PPP1R9B: variants seen among roughly 807,000 people sequenced by gnomAD.
PPP1R9B encodes the protein protein phosphatase 1 regulatory subunit 9B.
In PPP1R9B, 17 loss-of-function variants were observed where a neutral mutation model predicts 75.8. The ratio of observed to expected loss-of-function variants is 0.22; its 90% CI spans 0.15 to 0.34. The LOEUF is 0.34. PPP1R9B is among the 10% of genes least tolerant of loss of function. The pLI, the probability that PPP1R9B is intolerant of heterozygous loss-of-function variation, is 1.00. For synonymous variants in PPP1R9B, 509 were observed against 535.4 expected, an observed-to-expected ratio of 0.95 and a Z score of 0.68; for missense variants, 875 against 1,196.0, an observed-to-expected ratio of 0.73 and a Z score of 3.96.
chr17:50,147,972 C>T (rs1334269206), intron 1 of PPP1R9B, among the ~76,000 whole-genome samples: 1 of 152,166 alleles, frequency 6.6e-6, no homozygotes. Context: ...AGGGTAAAGG[C>T]AGGGCAGGGT....
chr17:50,136,635 C>T (rs1350492734), intron 7 of PPP1R9B, among the ~76,000 whole-genome samples: 1 of 152,164 alleles, frequency 6.6e-6, no homozygotes, highest in Non-Finnish European at 1.5e-5. Context: ...AGCCCCAGCC[C>T]TGCTCGCCAG....
At position 50,142,823 on chromosome 17, in the gene PPP1R9B, A is replaced by G. The variant is rs1241078416; in HGVS notation, c.1625+775T>C. On this transcript the variant is annotated intron_variant, in intron 3 of 9. Coordinates refer to ENST00000612501, the MANE Select transcript of PPP1R9B (RefSeq NM_032595.5). This position sits in a 1 kb window ranked among gnomAD's most constrained non-coding sequence, Gnocchi z 4.1. ...CACCCCTTGCAACCACAGATGCTCA[A>G]TACAGGCACACACACTCACATGCGC... 6.6e-6 allele frequency among the ~76,000 whole-genome samples: 1 copy of G among 152,146 alleles called. No homozygotes were observed. The highest frequency in any genetic ancestry group is 1.5e-5 in the Non-Finnish European group (1 of 68,034).
intron 2 of PPP1R9B, among the ~76,000 whole-genome samples, chr17:50,144,761 T>C (rs185564069): frequency 6.6e-6 from 1 of 152,292 alleles, no homozygotes; most frequent in Admixed American, 6.5e-5. Context: ...GATGTGACTG[T>C]GCCTTCCATG....
intron 7 of PPP1R9B, 121 bp from the exon 8 acceptor site, chr17:50,136,318 C>T: frequency 1.3e-6 from 1 of 751,394 alleles, no homozygotes; most frequent in Non-Finnish European, 2.1e-6. Context: ...TCCATTGCAC[C>T]CCAACTACTA....
chr17:50,147,746 G>A (rs905962179), intron 1 of PPP1R9B, among the ~76,000 whole-genome samples: 8 of 152,126 alleles, frequency 5.3e-5, no homozygotes, highest in African/African-American at 1.9e-4. Context: ...TTCAGGAGGG[G>A]AAAGGGGTTG....
At chr17:50,147,229 G>A (rs1328896280) in intron 1 of PPP1R9B, among the ~76,000 whole-genome samples, 1 of 152,196 alleles carries the variant, frequency 6.6e-6, no homozygotes, top group African/African-American at 2.4e-5. Flanking sequence ...ACCATGATAT[G>A]CCGGTCTAGC....
In PPP1R9B at chr17:50,149,640, G is replaced by A. The variant is rs1392500672; in HGVS notation, c.874C>T (p.Pro292Ser). 1 of 1,520,742 alleles carries A rather than the reference G, an allele frequency of 6.6e-7. No homozygotes were observed. Among genetic ancestry groups the A allele is most frequent in the Non-Finnish European group, 8.8e-7 (1 of 1,137,422 alleles). The allele number at this position is 1,520,742 out of a possible 1,614,324, so 94.2% of individuals were successfully genotyped here. ...GGCTTAATCTTGCGCACCTCCCGGG[G>A]CTTGGGGGGCGGCCGGGCAGGGGCC... ...RVAPARPPPK[P>S]REVRKIKPVE... The change falls in exon 1 of 10, where the codon CCC becomes TCC. Residue 292 changes from proline (P) to serine (S), a missense_variant. Physicochemically the swap from Pro to Ser is moderately conservative, Grantham distance 74. This residue lies in a region of PPP1R9B where 449 missense variants were observed against 475.0 expected (regional missense o/e 0.95). Transcript: ENST00000612501. The surrounding 1 kb of genome is among the most constrained non-coding windows in gnomAD (Gnocchi z 7.2).
In PPP1R9B at chr17:50,139,628, C is replaced by G. The variant is rs1415807088; in HGVS notation, c.1867-47G>C. 2.0e-6 allele frequency: 3 copies of G among 1,514,874 alleles called. No homozygotes were observed. The highest frequency in any genetic ancestry group is 2.6e-6 in the Non-Finnish European group (3 of 1,132,748). 93.8% of individuals were successfully genotyped at this position (1,514,874 alleles called of 1,614,324 possible). On this transcript the variant is annotated intron_variant, in intron 5 of 9. Transcript: ENST00000612501. This position sits in a 1 kb window ranked among gnomAD's most constrained non-coding sequence, Gnocchi z 5.0. ...TGTGGGCCCACCCCACCCAGCTGCCCTCAGCCCTGATGACCAGGGCTGGGA... is the reference window on the plus strand; with the variant it reads ...TGTGGGCCCACCCCACCCAGCTGCCGTCAGCCCTGATGACCAGGGCTGGGA...
At chr17:50,148,998 C>T in intron 1 of PPP1R9B, 145 bp downstream of exon 1, 2 of 570,704 alleles carry the variant, frequency 3.5e-6, no homozygotes, top group Non-Finnish European at 2.9e-6. Context: ...CCCCACGCCC[C>T]CCTGAGGGTG....
At position 50,139,124 on chromosome 17, in the gene PPP1R9B, A is replaced by T. The variant is rs1420919390; in HGVS notation, c.2073+139T>A. 1 of 912,936 alleles carries T rather than the reference A, an allele frequency of 1.1e-6. No homozygotes were observed. The highest frequency in any genetic ancestry group is 1.8e-5 in the Admixed American group (1 of 54,638). The allele number at this position is 912,936 out of a possible 1,614,324, so 56.6% of individuals were successfully genotyped here. On this transcript the variant is annotated intron_variant, in intron 7 of 9. Transcript: ENST00000612501. This position sits in a 1 kb window ranked among gnomAD's most constrained non-coding sequence, Gnocchi z 5.0. ...TTAAGCTCTTAATATCGTATCTATCATATCATCTTGCTTTAGAGCAGCTTG... is the reference window on the plus strand; with the variant it reads ...TTAAGCTCTTAATATCGTATCTATCTTATCATCTTGCTTTAGAGCAGCTTG...
At position 50,149,051 on chromosome 17, in the gene PPP1R9B, C is replaced by T; in HGVS notation, c.1371+92G>A. The T allele has an allele frequency of 2.0e-6, 2 of 992,920 alleles. No homozygotes were observed. Among genetic ancestry groups the T allele is most frequent in the Non-Finnish European group, 2.8e-6 (2 of 723,052 alleles). 61.5% of individuals were successfully genotyped at this position (992,920 alleles called of 1,614,324 possible). A position where few individuals can be genotyped will look rare whatever the true frequency, so the allele number is the denominator to read the frequency against. ...GGCTGGGTGGCAGGGGCTGACTCAG[C>T]CTGCCAAACCCGGCTGGCTGGCTGG... is the stretch of plus-strand genomic sequence containing the variant. On this transcript the variant is annotated intron_variant, in intron 1 of 9. Transcript: ENST00000612501. This position sits in a 1 kb window ranked among gnomAD's most constrained non-coding sequence, Gnocchi z 7.2.
chr17:50,148,206 A>G (rs1912568033), intron 1 of PPP1R9B, among the ~76,000 whole-genome samples: 1 of 152,228 alleles, frequency 6.6e-6, no homozygotes. Context: ...AAGCTCTGGC[A>G]CAACCCACAA....
Position 50,133,966 on chromosome 17 carries a change from G to A in PPP1R9B, c.*1365C>T, listed in dbSNP as rs1384693244. The A allele has an allele frequency of 6.5e-6, 1 of 152,716 alleles. No homozygotes were observed. The highest frequency in any genetic ancestry group is 2.4e-5 in the African/African-American group (1 of 41,460). The allele number at this position is 152,716 out of a possible 1,614,324, so 9.5% of individuals were successfully genotyped here. ...AGGACTGAGACAGCCAGCTCCTTCA[G>A]GGGATGGGGGCACATCTGGGGATAG... On this transcript the variant is annotated 3_prime_UTR_variant, in exon 10 of 10. Coordinates refer to ENST00000612501, the MANE Select transcript of PPP1R9B (RefSeq NM_032595.5).
At chr17:50,148,291 G>C (rs781046619) in intron 1 of PPP1R9B, among the ~76,000 whole-genome samples, 4 of 152,266 alleles carry the variant, frequency 2.6e-5, no homozygotes, top group Non-Finnish European at 5.9e-5. Context: ...AGGGCTCCCA[G>C]AGAATGTGGC....
rs765618918 is a variant in PPP1R9B, at chr17:50,145,094, T to G, written c.1504+19A>C. ...CAACCCCAGCTGTGCGCAAGTGACG[T>G]GGCCTCCTGGCCTCTCACCCTTCTC... is the stretch of plus-strand genomic sequence containing the variant. On this transcript the variant is annotated intron_variant, in intron 2 of 9. Transcript: ENST00000612501. The G allele has an allele frequency of 4.3e-6, 7 of 1,613,120 alleles. No homozygotes were observed. The highest frequency in any genetic ancestry group is 5.9e-6 in the Non-Finnish European group (7 of 1,179,684).
chr17:50,139,145 G>T lies in PPP1R9B; in HGVS notation c.2073+118C>A. ...TATCATATCATCTTGCTTTAGAGCA[G>T]CTTGTTCTGTGGGTACCTGTGCCTA... On this transcript the variant is annotated intron_variant, in intron 7 of 9. Coordinates refer to ENST00000612501, the MANE Select transcript of PPP1R9B (RefSeq NM_032595.5). The surrounding 1 kb of genome is among the most constrained non-coding windows in gnomAD (Gnocchi z 5.0). The T allele has an allele frequency of 8.8e-7, 1 of 1,137,850 alleles. No homozygotes were observed. Among genetic ancestry groups the T allele is most frequent in the South Asian group, 1.3e-5 (1 of 79,996 alleles). The allele number at this position is 1,137,850 out of a possible 1,614,324, so 70.5% of individuals were successfully genotyped here. A position where few individuals can be genotyped will look rare whatever the true frequency, so the allele number is the denominator to read the frequency against.
At chr17:50,143,551 G>T in intron 3 of PPP1R9B, 47 bp downstream of exon 3, 1 of 1,539,608 alleles carries the variant, frequency 6.5e-7, no homozygotes, top group Non-Finnish European at 8.8e-7. Context: ...AAGGATGGCC[G>T]GTCGGAGAGG....
intron 3 of PPP1R9B, among the ~76,000 whole-genome samples, 195 bp downstream of exon 3, chr17:50,143,403 A>T (rs1387557946): frequency 6.6e-6 from 1 of 152,200 alleles, no homozygotes; most frequent in African/African-American, 2.4e-5. Context: ...AGGGGCTGAC[A>T]GTGCTCACTG....
Position 50,143,795 on chromosome 17 carries a change from A to C in PPP1R9B, c.1505-77T>G. The C allele has an allele frequency of 1.9e-6, 3 of 1,587,414 alleles. No individual in the cohort carries two copies. In the South Asian group the frequency reaches 3.3e-5, roughly 18 times the overall value. On this transcript the variant is annotated intron_variant, in intron 2 of 9. Transcript: ENST00000612501. ...GACTCTCCACCCCGAATTCCAGGGC[A>C]CAGCCCCCCCATCAGGAAGCAGTCC...
Sources: gnomAD v4.1 joint callset for allele counts (sites outside exome capture counted in the v4.1 genomes callset) on GRCh38, gnomAD v4.1.1 for gene constraint, gnomAD v4.1.1 regional missense constraint, Gnocchi (gnomAD v3.1) non-coding constraint, MANE v1.5 for transcripts, NCBI Gene and HGNC (gene_info 2026-07-23, HGNC 2026-07-21) for gene names.